The following NFIA variants were observed in gnomAD, a reference collection of about 807,000 sequenced individuals.
NFIA encodes the protein nuclear factor I A.
Under a neutral mutation model 62.8 loss-of-function variants are expected in NFIA, and 8 were observed. That is an observed-to-expected ratio of 0.13 (90% confidence interval 0.07 to 0.23). The LOEUF is 0.23. NFIA is among the 10% of genes least tolerant of loss of function. The probability of loss-of-function intolerance (pLI) is 1.00; values close to 1 mark genes in which losing one functional copy is unlikely to be tolerated. For missense variants in NFIA, 410 were observed against 642.1 expected, an observed-to-expected ratio of 0.64 and a Z score of 3.91; for synonymous variants, 235 against 238.1, an observed-to-expected ratio of 0.99 and a Z score of 0.12.
intron 2 of NFIA, among the ~76,000 whole-genome samples, chr1:61,137,717 C>G (rs1647226339): frequency 2.0e-5 from 3 of 152,250 alleles, no homozygotes; most frequent in South Asian, 2.1e-4. Flanking sequence ...TTTAAAATCT[C>G]TCTACCTCAG....
intron 7 of NFIA, among the ~76,000 whole-genome samples, chr1:61,395,636 C>A (rs567063608): frequency 6.6e-6 from 1 of 152,332 alleles, no homozygotes; most frequent in East Asian, 1.9e-4. Context: ...ATTAAACCAT[C>A]ACTCTAAATA....
At chr1:61,274,178 C>T (rs1470089688) in intron 2 of NFIA, among the ~76,000 whole-genome samples, 3 of 152,136 alleles carry the variant, frequency 2.0e-5, no homozygotes, top group East Asian at 1.9e-4. Context: ...TAGCTGTAGG[C>T]GCCATAAAAC....
intron 2 of NFIA, among the ~76,000 whole-genome samples, chr1:61,226,921 CT>C (rs756717199): frequency 3.3e-5 from 5 of 152,206 alleles, no homozygotes; most frequent in Non-Finnish European, 5.9e-5. Context: ...CTTTTCAGCA[CT>C]TAGGAAACTC....
At chr1:61,396,709 G>A (rs559425057) in intron 7 of NFIA, among the ~76,000 whole-genome samples, 15 of 152,148 alleles carry the variant, frequency 9.9e-5, no homozygotes, top group Admixed American at 2.0e-4. Flanking sequence ...GGTCAGAAAC[G>A]TGCCTGGGGG....
At chr1:61,287,981 T>G (rs1658614774) in intron 3 of NFIA, among the ~76,000 whole-genome samples, 2 of 152,222 alleles carry the variant, frequency 1.3e-5, no homozygotes, top group African/African-American at 4.8e-5. Context: ...ACTTGGCTGC[T>G]TAAATTCCAT....
intron 3 of NFIA, among the ~76,000 whole-genome samples, chr1:61,320,324 A>G (rs1660616099): frequency 6.6e-6 from 1 of 152,166 alleles, no homozygotes; most frequent in Non-Finnish European, 1.5e-5. Flanking sequence ...GTGGCCTGCC[A>G]TAGTATCTGC....
chr1:61,324,603 C>T (rs1245725796), intron 3 of NFIA, among the ~76,000 whole-genome samples: 2 of 152,142 alleles, frequency 1.3e-5, no homozygotes, highest in Admixed American at 6.5e-5. Context: ...AGTGGTCAGC[C>T]TCCTGTGTGG....
At chr1:61,303,572 G>A (rs572205795) in intron 3 of NFIA, among the ~76,000 whole-genome samples, 6 of 152,298 alleles carry the variant, frequency 3.9e-5, no homozygotes, top group East Asian at 1.9e-4. Context: ...AGACTAGTGT[G>A]GATGGAATGA....
intron 2 of NFIA, among the ~76,000 whole-genome samples, chr1:61,184,870 A>G (rs1651045342): frequency 1.3e-5 from 2 of 152,270 alleles, no homozygotes; most frequent in South Asian, 4.1e-4. Context: ...CTGAAAGAAA[A>G]CAGAGGAGTT....
At chr1:61,284,122 A>C (rs1311061015) in intron 3 of NFIA, among the ~76,000 whole-genome samples, 1 of 152,212 alleles carries the variant, frequency 6.6e-6, no homozygotes. Flanking sequence ...GACACAGTAG[A>C]GTGACCACCA....
chr1:61,163,295 C>T (rs570824891), intron 2 of NFIA, among the ~76,000 whole-genome samples: 14 of 152,244 alleles, frequency 9.2e-5, no homozygotes, highest in Admixed American at 3.9e-4. Context: ...GCAATATAAC[C>T]TGTGGTTACG....
intron 10 of NFIA, among the ~76,000 whole-genome samples, chr1:61,432,301 C>T (rs1278754931): frequency 6.6e-6 from 1 of 151,386 alleles, no homozygotes; most frequent in Non-Finnish European, 1.5e-5. Flanking sequence ...TTCTGTCTTC[C>T]CTGGACCAGA....
chr1:61,261,524 G>A (rs186080011), intron 2 of NFIA, among the ~76,000 whole-genome samples: 178 of 152,300 alleles, frequency 1.2e-3, no homozygotes, highest in Non-Finnish European at 1.8e-3. Flanking sequence ...TAGTTTAGGT[G>A]TATCAAATGC....
intron 2 of NFIA, among the ~76,000 whole-genome samples, chr1:61,255,355 T>C (rs1259250631): frequency 6.6e-6 from 1 of 152,230 alleles, no homozygotes; most frequent in African/African-American, 2.4e-5. Context: ...ATGTGTAATC[T>C]TCAATATGCA....
chr1:61,433,277 C>T (rs986177761), intron 10 of NFIA, among the ~76,000 whole-genome samples: 2 of 152,168 alleles, frequency 1.3e-5, no homozygotes, highest in Non-Finnish European at 2.9e-5. Context: ...CTCATCCTGC[C>T]TGGGAAGAAG....
intron 10 of NFIA, among the ~76,000 whole-genome samples, chr1:61,440,968 G>T (rs1374746747): frequency 2.0e-5 from 3 of 152,056 alleles, no homozygotes; most frequent in Non-Finnish European, 4.4e-5. Context: ...GAATATTTTG[G>T]AATAAAGTTC....
intron 2 of NFIA, among the ~76,000 whole-genome samples, chr1:61,095,741 C>T (rs1376539211): frequency 1.3e-5 from 2 of 152,072 alleles, no homozygotes; most frequent in Admixed American, 6.5e-5. Flanking sequence ...AGCATTATGA[C>T]ACAGGTTTAA....
intron 10 of NFIA, among the ~76,000 whole-genome samples, chr1:61,435,585 A>G (rs959015735): frequency 6.6e-6 from 1 of 152,144 alleles, no homozygotes; most frequent in Non-Finnish European, 1.5e-5. Context: ...ATCAGGGAAA[A>G]GGCCCTGCTA....
chr1:61,251,714 TA>T (rs1284483878), intron 2 of NFIA, among the ~76,000 whole-genome samples: 2 of 152,220 alleles, frequency 1.3e-5, no homozygotes, highest in African/African-American at 4.8e-5. Context: ...TACGTGATGT[TA>T]AAATGGCAGT....
Sources: gnomAD v4.1 joint callset for allele counts (sites outside exome capture counted in the v4.1 genomes callset) on GRCh38, gnomAD v4.1.1 for gene constraint, MANE v1.5 for transcripts, NCBI Gene and HGNC (gene_info 2026-07-23, HGNC 2026-07-21) for gene names.